Variants in LEKR1 observed in about 807,000 individuals in gnomAD.
LEKR1 encodes protein LEKR1.
Under a neutral mutation model 72.4 loss-of-function variants are expected in LEKR1, and 59 were observed. The ratio of observed to expected loss-of-function variants is 0.82; its 90% CI spans 0.66 to 1.01. The LOEUF is 1.01. Ranked by LOEUF, LEKR1 falls within the 50% of genes least tolerant of loss-of-function variation. The pLI, the probability that LEKR1 is intolerant of heterozygous loss-of-function variation, is 0.00. For synonymous variants in LEKR1, 257 were observed against 263.2 expected (o/e 0.98, Z 0.23); for missense variants, 728 against 759.2 (o/e 0.96, Z 0.48).
chr3:157,035,982 C>G (rs1182920773), intron 12 of LEKR1, among the ~76,000 whole-genome samples: 1 of 152,142 alleles, frequency 6.6e-6, no homozygotes, highest in East Asian at 1.9e-4. Context: ...GTTCAGTCTA[C>G]CTACTTAGAA....
chr3:156,918,882 C>T (rs544276087), intron 3 of LEKR1, among the ~76,000 whole-genome samples: 1 of 152,072 alleles, frequency 6.6e-6, no homozygotes, highest in Non-Finnish European at 1.5e-5. Context: ...GGTTTGTCTT[C>T]ACCAAAACTC....
intron 9 of LEKR1, among the ~76,000 whole-genome samples, chr3:157,009,985 G>T (rs1437558342): frequency 2.0e-5 from 3 of 152,034 alleles, no homozygotes; most frequent in Non-Finnish European, 4.4e-5. Flanking sequence ...ACATAAAACT[G>T]TTCATAATAT....
intron 7 of LEKR1, among the ~76,000 whole-genome samples, chr3:156,991,327 G>A (rs1009031325): frequency 1.3e-5 from 2 of 151,678 alleles, no homozygotes; most frequent in Non-Finnish European, 2.9e-5. Context: ...TTATATAATT[G>A]TTTTATGCTC....
intron 6 of LEKR1, among the ~76,000 whole-genome samples, chr3:156,954,953 G>A (rs1727489404): frequency 6.6e-6 from 1 of 152,012 alleles, no homozygotes; most frequent in South Asian, 2.1e-4. Context: ...GGGCAGTATG[G>A]CCATTTAAAT....
intron 1 of LEKR1, among the ~76,000 whole-genome samples, chr3:156,828,223 A>C (rs776926330): frequency 6.6e-6 from 1 of 152,244 alleles, no homozygotes; most frequent in Admixed American, 6.5e-5. Context: ...CTTCTCTTCC[A>C]CTAGTGGTTG....
intron 1 of LEKR1, among the ~76,000 whole-genome samples, 176 bp from the exon 2 acceptor site, chr3:156,829,110 A>G (rs1312061021): frequency 1.3e-5 from 2 of 152,236 alleles, no homozygotes; most frequent in Non-Finnish European, 2.9e-5. Flanking sequence ...CTATTGGCCC[A>G]ATAACTAACG....
intron 6 of LEKR1, among the ~76,000 whole-genome samples, chr3:156,975,450 A>C (rs990422994): frequency 4.6e-5 from 7 of 152,188 alleles, no homozygotes; most frequent in African/African-American, 1.7e-4. Flanking sequence ...AGTAAGTTTT[A>C]AGCTTGAAAT....
intron 3 of LEKR1, among the ~76,000 whole-genome samples, chr3:156,900,740 C>T (rs1224863896): frequency 6.6e-6 from 1 of 152,160 alleles, no homozygotes; most frequent in African/African-American, 2.4e-5. Flanking sequence ...GTGATTTGAT[C>T]ACTTACAGTT....
chr3:156,866,318 T>TG (rs1033232902), intron 3 of LEKR1, among the ~76,000 whole-genome samples: 5 of 152,124 alleles, frequency 3.3e-5, no homozygotes, highest in African/African-American at 1.2e-4. Context: ...GAAAATCTGC[T>TG]GGGGGGTTCT....
chr3:156,998,079 A>G (rs561078032), intron 9 of LEKR1, among the ~76,000 whole-genome samples: 1 of 152,156 alleles, frequency 6.6e-6, no homozygotes, highest in Admixed American at 6.5e-5. Flanking sequence ...ATGATGTCAG[A>G]GAAAAGTGTG....
chr3:156,880,519 AC>A (rs1437398202), intron 3 of LEKR1, among the ~76,000 whole-genome samples: 1 of 152,182 alleles, frequency 6.6e-6, no homozygotes, highest in Non-Finnish European at 1.5e-5. Flanking sequence ...TAGCTTACCA[AC>A]CAAAAAGAGT....
chr3:156,952,755 T>G (rs893436336), intron 6 of LEKR1, among the ~76,000 whole-genome samples: 3 of 151,522 alleles, frequency 2.0e-5, no homozygotes, highest in Non-Finnish European at 4.4e-5. Flanking sequence ...GTAACAGATT[T>G]GCAAAGTTAT....
intron 3 of LEKR1, among the ~76,000 whole-genome samples, chr3:156,903,093 A>G (rs529050328): frequency 6.6e-6 from 1 of 152,224 alleles, no homozygotes; most frequent in Admixed American, 6.5e-5. Flanking sequence ...TTCTATATTT[A>G]GATCTATTTC....
At chr3:156,893,727 T>C (rs1268202138) in intron 3 of LEKR1, among the ~76,000 whole-genome samples, 2 of 152,224 alleles carry the variant, frequency 1.3e-5, no homozygotes, top group Admixed American at 6.5e-5. Flanking sequence ...TTACAGCCTG[T>C]AGAACTGTGA....
At chr3:156,850,091 G>A (rs1715161382) in intron 2 of LEKR1, among the ~76,000 whole-genome samples, 1 of 151,950 alleles carries the variant, frequency 6.6e-6, no homozygotes. Flanking sequence ...ATCAAAAAGT[G>A]GGCGAAGGAT....
intron 3 of LEKR1, among the ~76,000 whole-genome samples, chr3:156,887,020 C>G (rs750132406): frequency 1.3e-5 from 2 of 152,130 alleles, no homozygotes; most frequent in African/African-American, 4.8e-5. Context: ...TGTCTCCTAC[C>G]TGCCATTTTA....
intron 12 of LEKR1, among the ~76,000 whole-genome samples, chr3:157,032,385 G>A (rs754172745): frequency 2.5e-4 from 38 of 152,158 alleles, no homozygotes; most frequent in Non-Finnish European, 4.7e-4. Context: ...AAATGCTATA[G>A]TTCTTGTAGT....
intron 3 of LEKR1, among the ~76,000 whole-genome samples, chr3:156,872,193 T>G (rs960999397): frequency 1.1e-4 from 17 of 152,016 alleles, no homozygotes; most frequent in African/African-American, 3.9e-4. Flanking sequence ...GTTCTGAAAT[T>G]TTTTCATTCC....
intron 7 of LEKR1, among the ~76,000 whole-genome samples, chr3:156,985,944 G>T (rs924320335): frequency 6.6e-6 from 1 of 152,104 alleles, no homozygotes; most frequent in Admixed American, 6.6e-5. Flanking sequence ...GGAAGCAAGA[G>T]GGTCAAAGTC....
Sources: allele counts gnomAD v4.1 joint callset (sites outside exome capture counted in the v4.1 genomes callset), GRCh38; gene constraint gnomAD v4.1.1; transcripts MANE v1.5; gene names NCBI Gene and HGNC (gene_info 2026-07-23, HGNC 2026-07-21).